The following SNTB1 variants were observed in gnomAD, a reference collection of about 807,000 sequenced individuals.
The protein encoded by SNTB1 is beta-1-syntrophin.
In SNTB1, 36 loss-of-function variants were observed where a neutral mutation model predicts 48.9. That is an observed-to-expected ratio of 0.74 (90% confidence interval 0.56 to 0.97). The LOEUF is 0.97. SNTB1 is among the 50% of genes least tolerant of loss of function. The pLI is 0.00. For missense variants in SNTB1, 786 were observed against 703.4 expected (o/e 1.12, Z -1.33); for synonymous variants, 299 against 294.6 (o/e 1.01, Z -0.15).
At position 120,632,528 on chromosome 8, in the gene SNTB1, C is replaced by A. The variant is rs1384293557; in HGVS notation, c.912G>T (p.Val304=). 1.2e-6 allele frequency: 2 copies of A among 1,614,160 alleles called. No homozygotes were observed. Among genetic ancestry groups the A allele is most frequent in the African/African-American group, 2.7e-5 (2 of 75,028 alleles). Residue 304 remains valine, a synonymous_variant, in exon 3 of 7, where the codon GTG becomes GTT. Coordinates refer to ENST00000517992, the MANE Select transcript of SNTB1 (RefSeq NM_021021.4). ...HSNVNDLLTR[V]IAEVREQLGK... ...CCAGCTGCTCTCTGACCTCAGCAAT[C>A]ACTCGGGTCAGCAGGTCATTAACGT...
intron 1 of SNTB1, among the ~76,000 whole-genome samples, chr8:120,751,522 C>T (rs1015828301): frequency 6.6e-6 from 1 of 152,070 alleles, no homozygotes; most frequent in Middle Eastern, 3.2e-3. Flanking sequence ...TCTGCACCTG[C>T]TATGGTGACA....
intron 3 of SNTB1, among the ~76,000 whole-genome samples, chr8:120,625,784 A>G (rs1816863783): frequency 6.6e-6 from 1 of 152,156 alleles, no homozygotes; most frequent in Non-Finnish European, 1.5e-5. Context: ...ACCATAACCA[A>G]TAGTCTTGAT....
At chr8:120,557,590 C>T (rs1282425404) in intron 4 of SNTB1, among the ~76,000 whole-genome samples, 1 of 152,216 alleles carries the variant, frequency 6.6e-6, no homozygotes, top group African/African-American at 2.4e-5. Context: ...ATCTGATCTC[C>T]TCTTTGATCT....
At chr8:120,682,082 G>A (rs957407973) in intron 2 of SNTB1, among the ~76,000 whole-genome samples, 2 of 151,188 alleles carry the variant, frequency 1.3e-5, no homozygotes, top group Non-Finnish European at 2.9e-5. Flanking sequence ...ATATTCATGA[G>A]AAGGATTAAA....
intron 1 of SNTB1, among the ~76,000 whole-genome samples, chr8:120,795,587 T>C (rs1362234810): frequency 6.6e-6 from 1 of 152,100 alleles, no homozygotes; most frequent in Non-Finnish European, 1.5e-5. Context: ...TATTAACTTC[T>C]AATGAAATTT....
chr8:120,773,237 G>A (rs2130106323), intron 1 of SNTB1, among the ~76,000 whole-genome samples: 1 of 152,276 alleles, frequency 6.6e-6, no homozygotes, highest in South Asian at 2.1e-4. Context: ...AGAGATTGAG[G>A]CCGGGCATGA....
intron 3 of SNTB1, among the ~76,000 whole-genome samples, chr8:120,589,205 A>T (rs1299861690): frequency 1.3e-5 from 2 of 152,176 alleles, no homozygotes; most frequent in African/African-American, 4.8e-5. Flanking sequence ...ACTGGATTAT[A>T]GCCCTTTATT....
intron 2 of SNTB1, among the ~76,000 whole-genome samples, chr8:120,675,843 G>C (rs529106034): frequency 5.3e-5 from 8 of 152,324 alleles, no homozygotes; most frequent in Non-Finnish European, 7.3e-5. Context: ...GTCTTTAGAA[G>C]AGATGAGAAT....
At chr8:120,694,129 C>A (rs1005492659) in intron 1 of SNTB1, among the ~76,000 whole-genome samples, 2 of 152,154 alleles carry the variant, frequency 1.3e-5, no homozygotes, top group African/African-American at 4.8e-5. Flanking sequence ...TGATGTCCTA[C>A]AGTTGAGAAT....
chr8:120,788,008 C>A (rs1230715203), intron 1 of SNTB1, among the ~76,000 whole-genome samples: 1 of 152,158 alleles, frequency 6.6e-6, no homozygotes, highest in African/African-American at 2.4e-5. Context: ...AAAGGAAAAT[C>A]TATCAGACTA....
intron 1 of SNTB1, among the ~76,000 whole-genome samples, chr8:120,771,960 C>A (rs1197158025): frequency 6.6e-6 from 1 of 152,136 alleles, no homozygotes; most frequent in East Asian, 1.9e-4. Context: ...ACCTCCACCT[C>A]CCGGGCTCAA....
At chr8:120,712,914 T>A (rs184886803) in intron 1 of SNTB1, among the ~76,000 whole-genome samples, 1 of 152,280 alleles carries the variant, frequency 6.6e-6, no homozygotes, top group East Asian at 1.9e-4. Context: ...GCATTACCCA[T>A]TACACATGCC....
At chr8:120,741,051 C>T (rs896538631) in intron 1 of SNTB1, among the ~76,000 whole-genome samples, 1 of 152,174 alleles carries the variant, frequency 6.6e-6, no homozygotes, top group Non-Finnish European at 1.5e-5. Context: ...TCACATCAGT[C>T]CTGTCCACAC....
At chr8:120,557,397 T>C (rs541466541) in intron 4 of SNTB1, among the ~76,000 whole-genome samples, 46 of 152,204 alleles carry the variant, frequency 3.0e-4, no homozygotes, top group Non-Finnish European at 5.6e-4. Context: ...ATGAAGTAAG[T>C]GCCCTTCCAG....
intron 4 of SNTB1, among the ~76,000 whole-genome samples, chr8:120,569,631 G>A (rs1815810203): frequency 6.6e-6 from 1 of 152,216 alleles, no homozygotes; most frequent in African/African-American, 2.4e-5. Flanking sequence ...TACAGCTCCA[G>A]TCACTTGCCT....
At chr8:120,754,249 T>G (rs1195979606) in intron 1 of SNTB1, among the ~76,000 whole-genome samples, 1 of 152,048 alleles carries the variant, frequency 6.6e-6, no homozygotes, top group Non-Finnish European at 1.5e-5. Flanking sequence ...TCCCAGCACT[T>G]TAGGAGACTG....
At chr8:120,593,809 G>A (rs1816280486) in intron 3 of SNTB1, among the ~76,000 whole-genome samples, 1 of 152,108 alleles carries the variant, frequency 6.6e-6, no homozygotes, top group Non-Finnish European at 1.5e-5. Context: ...AAGCTATCTG[G>A]GGATTCTATT....
chr8:120,667,332 G>C (rs1817689201), intron 2 of SNTB1, among the ~76,000 whole-genome samples: 1 of 151,930 alleles, frequency 6.6e-6, no homozygotes, highest in African/African-American at 2.4e-5. Context: ...CCCCTCCCCT[G>C]CCCAGTAATG....
At chr8:120,658,548 A>C (rs1475030973) in intron 2 of SNTB1, among the ~76,000 whole-genome samples, 1 of 152,250 alleles carries the variant, frequency 6.6e-6, no homozygotes, top group South Asian at 2.1e-4. Context: ...TTCCCAGTGC[A>C]TGTAAGAGTT....
Sources: allele counts gnomAD v4.1 joint callset (sites outside exome capture counted in the v4.1 genomes callset), GRCh38; gene constraint gnomAD v4.1.1; transcripts MANE v1.5; gene names NCBI Gene and HGNC (gene_info 2026-07-23, HGNC 2026-07-21).